TTC7B: variants seen among roughly 807,000 people sequenced by gnomAD.
TTC7B encodes tetratricopeptide repeat domain 7B.
TTC7B carries 28 observed loss-of-function variants against 106.8 expected under a neutral mutation model. The ratio of observed to expected loss-of-function variants is 0.26; its 90% CI spans 0.19 to 0.36. The LOEUF (loss-of-function observed/expected upper bound fraction) is 0.36, where lower values mean the gene tolerates loss of function less well. Among genes scored for constraint, TTC7B ranks in the 10% least tolerant of loss-of-function variants. The probability of loss-of-function intolerance (pLI) is 1.00; values close to 1 mark genes in which losing one functional copy is unlikely to be tolerated. For missense variants in TTC7B, 862 were observed against 1,076.4 expected, an observed-to-expected ratio of 0.80 and a Z score of 2.79; for synonymous variants, 405 against 430.6, an observed-to-expected ratio of 0.94 and a Z score of 0.74.
At chr14:90,604,527 G>A (rs1289482679) in intron 17 of TTC7B, among the ~76,000 whole-genome samples, 1 of 152,150 alleles carries the variant, frequency 6.6e-6, no homozygotes. Flanking sequence ...TGAACAAAGC[G>A]GGTGAGCCAT....
intron 17 of TTC7B, among the ~76,000 whole-genome samples, chr14:90,602,756 A>G (rs1393642641): frequency 1.3e-5 from 2 of 152,108 alleles, no homozygotes; most frequent in Non-Finnish European, 1.5e-5. Flanking sequence ...ATTCCTTTAA[A>G]TTTTGGTAGA....
At chr14:90,813,779 C>T (rs1247476892) in intron 1 of TTC7B, among the ~76,000 whole-genome samples, 1 of 151,128 alleles carries the variant, frequency 6.6e-6, no homozygotes, top group African/African-American at 2.4e-5. Context: ...GCTTTAACTT[C>T]AGGATTTTGC....
At chr14:90,606,808 C>T (rs1013551343) in intron 17 of TTC7B, among the ~76,000 whole-genome samples, 3 of 152,206 alleles carry the variant, frequency 2.0e-5, no homozygotes, top group African/African-American at 7.2e-5. Context: ...GTGGGTGACT[C>T]CTCATGTTAT....
rs1483416768 is a variant in TTC7B at position 90,600,995 on chromosome 14, C to A, written c.1967-7369G>T. 6.6e-6 allele frequency among the ~76,000 whole-genome samples: 1 copy of A among 152,118 alleles called. No individual in the cohort carries two copies. Among genetic ancestry groups the A allele is most frequent in the Non-Finnish European group, 1.5e-5 (1 of 68,028 alleles). On this transcript the variant is annotated intron_variant, in intron 17 of 19. Coordinates refer to ENST00000328459, the MANE Select transcript of TTC7B (RefSeq NM_001010854.2). This position sits in a 1 kb window ranked among gnomAD's most constrained non-coding sequence, Gnocchi z 4.3. ...TGCCGGCGTCCTGGGGAAAGCCTCCCAGGTTGGGATGATATTCTAATGCTG... is the reference window on the plus strand; with the variant it reads ...TGCCGGCGTCCTGGGGAAAGCCTCCAAGGTTGGGATGATATTCTAATGCTG...
chr14:90,686,570 T>C (rs1484260377), intron 7 of TTC7B, among the ~76,000 whole-genome samples: 1 of 152,200 alleles, frequency 6.6e-6, no homozygotes, highest in African/African-American at 2.4e-5. Context: ...ACAATCTTGA[T>C]ATAGAAAATC....
chr14:90,630,922 C>T (rs1394218415), intron 15 of TTC7B, among the ~76,000 whole-genome samples: 1 of 151,478 alleles, frequency 6.6e-6, no homozygotes, highest in Non-Finnish European at 1.5e-5. Flanking sequence ...GCAAGCTCTG[C>T]CTCCTGGCTT....
chr14:90,713,795 T>G (rs1179381642), intron 5 of TTC7B, among the ~76,000 whole-genome samples: 2 of 152,178 alleles, frequency 1.3e-5, no homozygotes, highest in Non-Finnish European at 2.9e-5. Context: ...CAAATGTCCA[T>G]CAGTTGGTAA....
chr14:90,789,558 G>A (rs1244653618), intron 1 of TTC7B, among the ~76,000 whole-genome samples: 2 of 151,890 alleles, frequency 1.3e-5, no homozygotes, highest in Non-Finnish European at 2.9e-5. Flanking sequence ...AAAAAAAAGT[G>A]GAATTAATTT....
intron 5 of TTC7B, among the ~76,000 whole-genome samples, chr14:90,696,755 C>A (rs1451190233): frequency 1.3e-5 from 2 of 152,266 alleles, no homozygotes; most frequent in Middle Eastern, 3.4e-3. Flanking sequence ...CCACACATAT[C>A]AGATGATATC....
intron 19 of TTC7B, among the ~76,000 whole-genome samples, chr14:90,566,496 C>A (rs1303869460): frequency 2.0e-5 from 3 of 152,050 alleles, no homozygotes; most frequent in African/African-American, 4.8e-5. Flanking sequence ...CCTTCACAAG[C>A]CCTTGGGGTG....
chr14:90,788,385 G>A (rs1413999370), intron 1 of TTC7B, among the ~76,000 whole-genome samples: 1 of 152,160 alleles, frequency 6.6e-6, no homozygotes, highest in Non-Finnish European at 1.5e-5. Context: ...ACTCAGGAAC[G>A]AAGGACATGT....
At chr14:90,794,766 C>T (rs1389826339) in intron 1 of TTC7B, among the ~76,000 whole-genome samples, 1 of 152,140 alleles carries the variant, frequency 6.6e-6, no homozygotes, top group East Asian at 1.9e-4. Flanking sequence ...ATTATGTTTT[C>T]TTTGCTTCCC....
At chr14:90,756,144 G>A (rs553583049) in intron 3 of TTC7B, among the ~76,000 whole-genome samples, 3 of 152,282 alleles carry the variant, frequency 2.0e-5, no homozygotes, top group East Asian at 3.9e-4. Context: ...GGTGTGATGA[G>A]TAAGTGTAGC....
At chr14:90,620,481 G>C (rs551414237) in intron 15 of TTC7B, among the ~76,000 whole-genome samples, 1 of 152,318 alleles carries the variant, frequency 6.6e-6, no homozygotes, top group East Asian at 1.9e-4. Flanking sequence ...AGTTGACAAA[G>C]GAAGGAGAAG....
chr14:90,531,119 G>A lies in TTC7B; in HGVS notation c.*10249C>T, dbSNP rs1026919565. On this transcript the variant is annotated 3_prime_UTR_variant, in exon 20 of 20. Transcript: ENST00000328459. ...AGTTGTTATGAGATTAAAATATATT[G>A]TTATAACTTAAAAAAGAAAGAAAAA... is the stretch of plus-strand genomic sequence containing the variant. The A allele has an allele frequency of 2.0e-5, 3 of 152,116 alleles. No individual in the cohort carries two copies. The highest frequency in any genetic ancestry group is 7.2e-5 in the African/African-American group (3 of 41,414). The allele number at this position is 152,116 out of a possible 1,614,324, so 9.4% of individuals were successfully genotyped here.
chr14:90,618,260 A>T (rs1002361931), intron 15 of TTC7B, among the ~76,000 whole-genome samples: 1 of 152,258 alleles, frequency 6.6e-6, no homozygotes, highest in Non-Finnish European at 1.5e-5. Flanking sequence ...TGCAAGCACG[A>T]TGTGACTATT....
rs192036035 is a variant in TTC7B at position 90,789,713 on chromosome 14, G to A, written c.122-3385C>T. On this transcript the variant is annotated intron_variant, in intron 1 of 19. Coordinates refer to ENST00000328459, the MANE Select transcript of TTC7B (RefSeq NM_001010854.2). ...AGATCAAGACCATCCTGGCTAACAC[G>A]GTGAAACCCCGTCTCTACTAAAAAT... is the stretch of plus-strand genomic sequence containing the variant. Among the ~76,000 whole-genome samples the A allele has an allele frequency of 2.4e-4, 37 of 151,974 alleles. 1 individual carries two copies. In the Middle Eastern group the frequency reaches 0.014, roughly 56 times the overall value.
intron 3 of TTC7B, among the ~76,000 whole-genome samples, chr14:90,763,441 T>G (rs886438932): frequency 1.3e-5 from 2 of 152,172 alleles, no homozygotes; most frequent in Non-Finnish European, 2.9e-5. Flanking sequence ...ACTGAAAGCT[T>G]TCCCCCTAAA....
At chr14:90,752,070 G>A (rs1011184799) in intron 3 of TTC7B, among the ~76,000 whole-genome samples, 1 of 152,208 alleles carries the variant, frequency 6.6e-6, no homozygotes, top group African/African-American at 2.4e-5. Flanking sequence ...CATCACACGG[G>A]GAGGGGTGCT....
Sources: allele counts gnomAD v4.1 joint callset (sites outside exome capture counted in the v4.1 genomes callset), GRCh38; gene constraint gnomAD v4.1.1; non-coding constraint Gnocchi (gnomAD v3.1); transcripts MANE v1.5; gene names NCBI Gene and HGNC (gene_info 2026-07-23, HGNC 2026-07-21).